Variants in FARS2 observed in about 807,000 individuals in gnomAD.
FARS2 encodes phenylalanine--tRNA ligase, mitochondrial.
In FARS2, 40 loss-of-function variants were observed where a neutral mutation model predicts 46.4. The ratio of observed to expected loss-of-function variants is 0.86; its 90% confidence interval spans 0.67 to 1.12. The LOEUF (loss-of-function observed/expected upper bound fraction) is 1.12. Ranked by LOEUF, FARS2 falls within the 50% of genes most tolerant of loss-of-function variation. The pLI, the probability that FARS2 is intolerant of heterozygous loss-of-function variation, is 0.00. For missense variants in FARS2, 513 were observed against 567.9 expected (o/e 0.90, Z 0.98); for synonymous variants, 234 against 214.9 (o/e 1.09, Z -0.78).
chr6:5,483,807 G>T (rs942333290), intron 4 of FARS2, among the ~76,000 whole-genome samples: 1 of 152,114 alleles, frequency 6.6e-6, no homozygotes, highest in Admixed American at 6.5e-5. Context: ...GTGAGGGGGG[G>T]CATTAAGACA....
intron 4 of FARS2, among the ~76,000 whole-genome samples, chr6:5,470,281 A>G (rs374573952): frequency 1.3e-5 from 2 of 152,366 alleles, no homozygotes; most frequent in Non-Finnish European, 2.9e-5. Context: ...TAGCATTTAC[A>G]TGGTATTATG....
At chr6:5,373,998 T>C (rs1759223329) in intron 2 of FARS2, among the ~76,000 whole-genome samples, 1 of 152,166 alleles carries the variant, frequency 6.6e-6, no homozygotes, top group Non-Finnish European at 1.5e-5. Flanking sequence ...TTTTTGTTTT[T>C]ATTTTTTAGA....
chr6:5,382,188 C>T (rs557742207), intron 2 of FARS2, among the ~76,000 whole-genome samples: 3 of 152,164 alleles, frequency 2.0e-5, no homozygotes, highest in Non-Finnish European at 4.4e-5. Context: ...TGACAAGGAA[C>T]GATTTCTCAC....
chr6:5,355,368 C>CTTTTTTTTTTTTTTTTTTTTTTTTTT (rs200590190), intron 1 of FARS2, among the ~76,000 whole-genome samples: 2 of 142,444 alleles, frequency 1.4e-5, no homozygotes. Flanking sequence ...TTAGGTTTTC[C>CTTTTTTTTTTTTTTTTTTTTTTTTTT]TTTTTGTTTT....
intron 6 of FARS2, among the ~76,000 whole-genome samples, chr6:5,719,123 C>G (rs1270300075): frequency 6.6e-6 from 1 of 152,090 alleles, no homozygotes; most frequent in African/African-American, 2.4e-5. Flanking sequence ...TAGCTCATGC[C>G]TATAATCCCA....
intron 6 of FARS2, among the ~76,000 whole-genome samples, chr6:5,713,654 C>T (rs1297530491): frequency 6.6e-6 from 1 of 152,268 alleles, no homozygotes; most frequent in Non-Finnish European, 1.5e-5. Flanking sequence ...ATGGGCAGGT[C>T]TTGCATGTGA....
chr6:5,333,991 G>A (rs565953129), intron 1 of FARS2, among the ~76,000 whole-genome samples: 1 of 152,124 alleles, frequency 6.6e-6, no homozygotes, highest in Non-Finnish European at 1.5e-5. Context: ...GGGACTTGAT[G>A]CCTGTCCTCT....
chr6:5,487,581 T>C (rs1323178807), intron 4 of FARS2, among the ~76,000 whole-genome samples: 1 of 152,326 alleles, frequency 6.6e-6, no homozygotes, highest in African/African-American at 2.4e-5. Context: ...ATAATTTGCC[T>C]GAAGTCGCAC....
intron 4 of FARS2, among the ~76,000 whole-genome samples, chr6:5,526,038 A>G (rs1485857825): frequency 6.6e-6 from 1 of 152,248 alleles, no homozygotes; most frequent in Non-Finnish European, 1.5e-5. Context: ...ATTAGTATCT[A>G]TCCAATAAGA....
At chr6:5,580,570 C>T (rs1177662344) in intron 5 of FARS2, among the ~76,000 whole-genome samples, 3 of 152,166 alleles carry the variant, frequency 2.0e-5, no homozygotes, top group Non-Finnish European at 4.4e-5. Context: ...TCTCTGCAGC[C>T]ACATTTGCCT....
At chr6:5,533,181 G>A (rs1008155783) in intron 4 of FARS2, among the ~76,000 whole-genome samples, 3 of 152,126 alleles carry the variant, frequency 2.0e-5, no homozygotes, top group African/African-American at 4.8e-5. Flanking sequence ...AGAACTCAGC[G>A]AATGGTGACC....
At chr6:5,404,105 G>C (rs1205649951) in intron 2 of FARS2, among the ~76,000 whole-genome samples, 2 of 152,268 alleles carry the variant, frequency 1.3e-5, no homozygotes, top group East Asian at 3.9e-4. Context: ...CTTGAGCCTT[G>C]GAGATACAGG....
chr6:5,474,210 T>C (rs1765977415), intron 4 of FARS2, among the ~76,000 whole-genome samples: 1 of 152,266 alleles, frequency 6.6e-6, no homozygotes, highest in Admixed American at 6.5e-5. Flanking sequence ...GGGGCTTCAG[T>C]AACCAGGGCC....
chr6:5,326,935 A>G (rs1231413462), intron 1 of FARS2, among the ~76,000 whole-genome samples: 1 of 152,218 alleles, frequency 6.6e-6, no homozygotes, highest in African/African-American at 2.4e-5. Context: ...GCAGCTAACC[A>G]GTGTTGTAGC....
At chr6:5,746,707 A>G (rs1761665907) in intron 6 of FARS2, among the ~76,000 whole-genome samples, 1 of 152,034 alleles carries the variant, frequency 6.6e-6, no homozygotes, top group Non-Finnish European at 1.5e-5. Context: ...GGTCTTATTC[A>G]TCTTTGTCGC....
At chr6:5,463,277 A>G (rs1200485991) in intron 4 of FARS2, among the ~76,000 whole-genome samples, 2 of 152,220 alleles carry the variant, frequency 1.3e-5, no homozygotes, top group Non-Finnish European at 2.9e-5. Context: ...TTCCTAGTAC[A>G]TATAAATATG....
At chr6:5,594,436 C>T (rs532070257) in intron 5 of FARS2, among the ~76,000 whole-genome samples, 43 of 152,334 alleles carry the variant, frequency 2.8e-4, no homozygotes, top group African/African-American at 8.9e-4. Context: ...TTTCTCCCTT[C>T]CTTCTTTGCC....
intron 1 of FARS2, among the ~76,000 whole-genome samples, chr6:5,351,257 A>G (rs1757555472): frequency 6.6e-6 from 1 of 152,232 alleles, no homozygotes; most frequent in Admixed American, 6.5e-5. Context: ...ATTTTATGCA[A>G]ATATGTTGAA....
At chr6:5,506,357 A>C in intron 4 of FARS2, among the ~76,000 whole-genome samples, 1 of 152,206 alleles carries the variant, frequency 6.6e-6, no homozygotes, top group East Asian at 1.9e-4. Context: ...AGGCCAGCAG[A>C]ATAGAGGAAC....
Sources: gnomAD v4.1 joint callset for allele counts (sites outside exome capture counted in the v4.1 genomes callset) on GRCh38, gnomAD v4.1.1 for gene constraint, MANE v1.5 for transcripts, NCBI Gene and HGNC (gene_info 2026-07-23, HGNC 2026-07-21) for gene names.